Variants in ABCG1 observed in about 807,000 individuals in gnomAD.
ABCG1 encodes the protein ATP-binding cassette sub-family G member 1.
ABCG1 carries 29 observed loss-of-function variants against 69.2 expected under a neutral mutation model. That is an observed-to-expected ratio of 0.42 (90% CI 0.31 to 0.57). The LOEUF (loss-of-function observed/expected upper bound fraction) is 0.57, where lower values mean the gene tolerates loss of function less well. ABCG1 is among the 20% of genes least tolerant of loss of function. The pLI is 0.15. For missense variants in ABCG1, 718 were observed against 898.1 expected (o/e 0.80, Z 2.56); for synonymous variants, 370 against 374.8 (o/e 0.99, Z 0.15).
At position 42,296,338 on chromosome 21, in the gene ABCG1, C is replaced by T; in HGVS notation, c.1947C>T (p.Ser649=). Residue 649 remains serine, a synonymous_variant, in exon 15 of 15, where the codon TCC becomes TCT. Transcript: ENST00000398449. This position sits in a 1 kb window ranked among gnomAD's most constrained non-coding sequence, Gnocchi z 5.4. ...TCGTACTCGGGATTTTCTTCATCTC[C>T]CTCCGCCTCATTGCCTATTTTGTCC... ...DFIVLGIFFI[S]LRLIAYFVLR... The T allele has an allele frequency of 6.2e-7, 1 of 1,614,166 alleles. No individual in the cohort carries two copies.
intron 2 of ABCG1, among the ~76,000 whole-genome samples, chr21:42,253,681 A>T (rs1260411654): frequency 6.6e-6 from 1 of 152,098 alleles, no homozygotes; most frequent in Non-Finnish European, 1.5e-5. Flanking sequence ...TCACCGTGCC[A>T]CTGTGCCCCT....
intron 2 of ABCG1, among the ~76,000 whole-genome samples, chr21:42,247,035 T>A (rs938390404): frequency 3.9e-5 from 6 of 152,216 alleles, no homozygotes; most frequent in Non-Finnish European, 7.3e-5. Flanking sequence ...CTGTCTAAGG[T>A]AAGGTATATG....
chr21:42,208,298 T>G (rs1007844178), intron 2 of ABCG1, among the ~76,000 whole-genome samples: 1 of 151,266 alleles, frequency 6.6e-6, no homozygotes, highest in African/African-American at 2.4e-5. Flanking sequence ...CTCTGGGACA[T>G]ATGATGCAAA....
At chr21:42,200,411 T>C (rs1364729068) in intron 1 of ABCG1, among the ~76,000 whole-genome samples, 1 of 152,176 alleles carries the variant, frequency 6.6e-6, no homozygotes, top group Non-Finnish European at 1.5e-5. Context: ...TGGGCATGAA[T>C]ACAGTCTTCC....
intron 5 of ABCG1, among the ~76,000 whole-genome samples, chr21:42,279,078 C>T (rs1345830245): frequency 3.3e-5 from 5 of 152,106 alleles, no homozygotes; most frequent in Non-Finnish European, 7.4e-5. Context: ...GGCCTCCCTG[C>T]TTTCATGGGG....
rs761671203 is a variant in ABCG1, at chr21:42,282,355, C to G, written c.670C>G (p.Arg224Gly). 1.9e-6 allele frequency: 3 copies of G among 1,613,732 alleles called. No homozygotes were observed. Among genetic ancestry groups the G allele is most frequent in the Admixed American group, 3.3e-5 (2 of 60,004 alleles). The change falls in exon 6 of 15, where the codon CGC becomes GGC. Residue 224 changes from arginine to glycine, a missense_variant. By Grantham distance (125) the Arg-to-Gly change is moderately radical. Transcript: ENST00000398449. ...TGSLSGGQRK[R>G]LAIALELVNN... ...GAGCCTGTCAGGTGGTCAGCGCAAG[C>G]GCCTGGCCATCGCGCTGGAGCTGGT...
chr21:42,285,668 C>T (rs1016668819), intron 7 of ABCG1, among the ~76,000 whole-genome samples: 64 of 152,144 alleles, frequency 4.2e-4, no homozygotes, highest in African/African-American at 1.4e-3. Context: ...TCATCCTGGC[C>T]GTGCGATATT....
chr21:42,294,851 A>G, intron 14 of ABCG1, 191 bp downstream of exon 14: 1 of 578,490 alleles, frequency 1.7e-6, no homozygotes, highest in Admixed American at 2.8e-5. Flanking sequence ...CACACACACT[A>G]AACAAGGAGG....
At chr21:42,207,399 A>C (rs2067551708) in intron 2 of ABCG1, among the ~76,000 whole-genome samples, 1 of 152,152 alleles carries the variant, frequency 6.6e-6, no homozygotes, top group Non-Finnish European at 1.5e-5. Context: ...TTGGTAATCC[A>C]TTCTAAACTT....
intron 2 of ABCG1, among the ~76,000 whole-genome samples, chr21:42,235,207 G>T (rs971720971): frequency 1.3e-5 from 2 of 152,198 alleles, no homozygotes; most frequent in Non-Finnish European, 2.9e-5. Flanking sequence ...CACCCGGGGC[G>T]GCCTGCGCTC....
intron 2 of ABCG1, among the ~76,000 whole-genome samples, chr21:42,230,066 C>G (rs1287876340): frequency 6.6e-6 from 1 of 152,220 alleles, no homozygotes; most frequent in Non-Finnish European, 1.5e-5. Flanking sequence ...ACAATCCTTA[C>G]AAGAAAGGCG....
Position 42,261,435 on chromosome 21 carries a change from T to C in ABCG1, c.287-9635T>C, listed in dbSNP as rs571899972. Among the ~76,000 whole-genome samples the C allele has an allele frequency of 1.3e-4, 20 of 152,220 alleles. No individual in the cohort carries two copies. The East Asian group carries it at 3.9e-3, about 29-fold the overall frequency. ...ATCTTCTCCCATGAGAAAGGATGAC[T>C]CCTGAGAAAACAGACAAGCAGGATA... On this transcript the variant is annotated intron_variant, in intron 2 of 14. Coordinates refer to ENST00000398449, the MANE Select transcript of ABCG1 (RefSeq NM_016818.3).
Position 42,273,550 on chromosome 21 carries a change from C to G in ABCG1, c.537+115C>G. 7.8e-7 allele frequency: 1 copy of G among 1,282,054 alleles called. No individual in the cohort carries two copies. Among genetic ancestry groups the G allele is most frequent in the South Asian group, 1.5e-5 (1 of 67,380 alleles). The allele number at this position is 1,282,054 out of a possible 1,614,324, so 79.4% of individuals were successfully genotyped here. On this transcript the variant is annotated intron_variant, in intron 4 of 14. Coordinates refer to ENST00000398449, the MANE Select transcript of ABCG1 (RefSeq NM_016818.3). This position sits in a 1 kb window ranked among gnomAD's most constrained non-coding sequence, Gnocchi z 5.3. Reference sequence around the variant, plus strand: ...CGAGGGACCCAAGGGCTCTGCCACGCGGCCTGCACAGGGCCAGCAACCTCC... The same window carrying G: ...CGAGGGACCCAAGGGCTCTGCCACGGGGCCTGCACAGGGCCAGCAACCTCC...
At chr21:42,233,587 C>G (rs1423525063) in intron 2 of ABCG1, among the ~76,000 whole-genome samples, 2 of 152,242 alleles carry the variant, frequency 1.3e-5, no homozygotes, top group Non-Finnish European at 2.9e-5. Flanking sequence ...TAATCTTGGT[C>G]TTGAAATAAG....
At position 42,276,827 on chromosome 21, in the gene ABCG1, G is replaced by A. The variant is rs373825683; in HGVS notation, c.538-68G>A. 306 of 1,539,500 alleles carry A rather than the reference G, an allele frequency of 2.0e-4. 2 individuals carry two copies. The highest frequency in any genetic ancestry group is 1.5e-3 in the Middle Eastern group (8 of 5,260). On this transcript the variant is annotated intron_variant, in intron 4 of 14. Coordinates refer to ENST00000398449, the MANE Select transcript of ABCG1 (RefSeq NM_016818.3). The surrounding 1 kb of genome is among the most constrained non-coding windows in gnomAD (Gnocchi z 5.3). ...CTAGCTGCACCGTGGCCTGCAGTGC[G>A]GGCATGAGGCTCACACTGCCAGTGG...
At chr21:42,242,251 C>G (rs909525366) in intron 2 of ABCG1, among the ~76,000 whole-genome samples, 1 of 152,208 alleles carries the variant, frequency 6.6e-6, no homozygotes, top group African/African-American at 2.4e-5. Flanking sequence ...GGCCTATAAC[C>G]CCAGTGCTTT....
chr21:42,296,622 TG>T lies in ABCG1; in HGVS notation c.*232del. On this transcript the variant is annotated 3_prime_UTR_variant, in exon 15 of 15. Coordinates refer to ENST00000398449, the MANE Select transcript of ABCG1 (RefSeq NM_016818.3). The surrounding 1 kb of genome is among the most constrained non-coding windows in gnomAD (Gnocchi z 5.4). ...AACTAGGAAGATGTAGGCAGATTGG[TG>T]GTTTTTTTTTTTTTAACATACAGAA... 3 of 478,222 alleles carry T rather than the reference TG, an allele frequency of 6.3e-6. No homozygotes were observed. Among genetic ancestry groups the T allele is most frequent in the South Asian group, 4.9e-5 (2 of 40,512 alleles). The allele number at this position is 478,222 out of a possible 1,614,324, so 29.6% of individuals were successfully genotyped here.
intron 5 of ABCG1, among the ~76,000 whole-genome samples, chr21:42,278,687 T>G (rs1348201917): frequency 3.3e-5 from 5 of 152,128 alleles, no homozygotes; most frequent in African/African-American, 1.2e-4. Context: ...AACCAGCCAG[T>G]GTGGGGGACT....
At chr21:42,264,885 G>A (rs1053202959) in intron 2 of ABCG1, among the ~76,000 whole-genome samples, 9 of 152,166 alleles carry the variant, frequency 5.9e-5, no homozygotes. Context: ...GTTGGGTCTT[G>A]GGAAGCCTTG....
Sources: allele counts gnomAD v4.1 joint callset (sites outside exome capture counted in the v4.1 genomes callset), GRCh38; gene constraint gnomAD v4.1.1; non-coding constraint Gnocchi (gnomAD v3.1); transcripts MANE v1.5; gene names NCBI Gene and HGNC (gene_info 2026-07-23, HGNC 2026-07-21).